Variants in FARP2 observed in about 807,000 individuals in gnomAD.
FARP2 encodes FERM, ARH/RhoGEF and pleckstrin domain protein 2, also known as FERM, ARHGEF and pleckstrin domain-containing protein 2.
Under a neutral mutation model 130.5 loss-of-function variants are expected in FARP2, and 111 were observed. The ratio of observed to expected loss-of-function variants is 0.85; its 90% CI spans 0.73 to 1.00. The LOEUF is 1.00. Ranked by LOEUF, FARP2 falls within the 50% of genes least tolerant of loss-of-function variation. The pLI, the probability that FARP2 is intolerant of heterozygous loss-of-function variation, is 0.00. For synonymous variants in FARP2, 504 were observed against 516.9 expected, an observed-to-expected ratio of 0.98 and a Z score of 0.34; for missense variants, 1,385 against 1,346.3, an observed-to-expected ratio of 1.03 and a Z score of -0.45.
rs1210832737 is a variant in FARP2, at chr2:241,463,599, G to C, written c.1811+131G>C. The C allele has an allele frequency of 3.0e-6, 3 of 1,003,716 alleles. No individual in the cohort carries two copies. In the African/African-American group the frequency reaches 4.8e-5, roughly 16 times the overall value. The allele number at this position is 1,003,716 out of a possible 1,614,324, so 62.2% of individuals were successfully genotyped here. On this transcript the variant is annotated intron_variant, in intron 16 of 26. Coordinates refer to ENST00000264042, the MANE Select transcript of FARP2 (RefSeq NM_014808.4). ...CACTGGAGCATATTTTTAGGAGCCT[G>C]TGGGGAGAGGTACAGATGTAATAAT...
chr2:241,489,657 C>T (rs35743491), intron 21 of FARP2: 37,527 of 217,094 alleles, frequency 0.17, 3,706 homozygotes, highest in Middle Eastern at 0.22. Flanking sequence ...AATTGTCCAA[C>T]TCCCTTTTGG....
chr2:241,453,476 G>A (rs2063734810), intron 13 of FARP2, among the ~76,000 whole-genome samples: 1 of 151,718 alleles, frequency 6.6e-6, no homozygotes, highest in African/African-American at 2.4e-5. Context: ...CAAAAAATTA[G>A]CCAGGCATGG....
chr2:241,458,282 A>AGGAG (rs1395736011), intron 14 of FARP2, among the ~76,000 whole-genome samples: 1 of 152,034 alleles, frequency 6.6e-6, no homozygotes, highest in Non-Finnish European at 1.5e-5. Flanking sequence ...TGGGGCCTCT[A>AGGAG]GGAGGGAGGG....
intron 8 of FARP2, among the ~76,000 whole-genome samples, chr2:241,428,767 A>G (rs769043732): frequency 9.2e-5 from 14 of 152,114 alleles, no homozygotes; most frequent in Non-Finnish European, 1.5e-5. Flanking sequence ...ATCATCCCAA[A>G]AAGAGACCCT....
Position 241,483,477 on chromosome 2 carries a change from G to C in FARP2, c.2275G>C (p.Glu759Gln). 1 of 1,614,200 alleles carries C rather than the reference G, an allele frequency of 6.2e-7. No individual in the cohort carries two copies. The highest frequency in any genetic ancestry group is 8.5e-7 in the Non-Finnish European group (1 of 1,179,992). The change falls in exon 20 of 27, where the codon GAG becomes CAG. Residue 759 changes from glutamate (E) to glutamine (Q), a missense_variant. Physicochemically the swap from Glu to Gln is conservative, Grantham distance 29. Coordinates refer to ENST00000264042, the MANE Select transcript of FARP2 (RefSeq NM_014808.4). ...LIAPGREFIR[E>Q]GCLHKLTKKG... ...CTCTGTCTTTCAGGAGTTCATCCGT[G>C]AGGGCTGCCTTCACAAGCTCACCAA...
intron 17 of FARP2, among the ~76,000 whole-genome samples, chr2:241,467,705 C>T (rs545099885): frequency 1.3e-5 from 2 of 152,202 alleles, no homozygotes; most frequent in East Asian, 3.9e-4. Context: ...CCAGCACAAC[C>T]GCTTAGTTCC....
rs1368529401 is a variant in FARP2, at chr2:241,425,713, G to A, written c.772-5966G>A. Among the ~76,000 whole-genome samples, 3 of 127,816 alleles carry A rather than the reference G, an allele frequency of 2.3e-5. No individual in the cohort carries two copies. The South Asian group carries it at 7.8e-4, about 33-fold the overall frequency. 83.9% of individuals were successfully genotyped at this position (127,816 alleles called of 152,430 possible). Reference sequence around the variant, plus strand: ...AGCTGAATTCAACCAGAGGTACAAAGAAGAGCTGGTACAATTTCTCTCTCT... The same window carrying A: ...AGCTGAATTCAACCAGAGGTACAAAAAAGAGCTGGTACAATTTCTCTCTCT... On this transcript the variant is annotated intron_variant, in intron 8 of 26. Coordinates refer to ENST00000264042, the MANE Select transcript of FARP2 (RefSeq NM_014808.4).
In FARP2 at chr2:241,454,807, A is replaced by G. The variant is rs546299674; in HGVS notation, c.1412-1940A>G. Among the ~76,000 whole-genome samples the G allele has an allele frequency of 1.2e-4, 18 of 152,360 alleles. No homozygotes were observed. In the South Asian group the frequency reaches 3.7e-3, roughly 32 times the overall value. On this transcript the variant is annotated intron_variant, in intron 13 of 26. Transcript: ENST00000264042. ...TTACCTAGGTTTTCTATAGCAATGA[A>G]TGTTTCCTTGTGTTTTCAATGTATC...
rs139008133 is a variant in FARP2, at chr2:241,462,601, G to A, written c.1666G>A (p.Val556Ile). The stretch of plus-strand genomic sequence containing the variant: ...ACGAACATACCTCAAGGATTTAGAA[G>A]TTATTACCGTGGTACGAAAGTCCTT... Reference protein sequence around the residue: ...TERTYLKDLEVITVWFRSAVV... With the variant: ...TERTYLKDLEIITVWFRSAVV... The change falls in exon 15 of 27, where the codon GTT becomes ATT. Residue 556 changes from valine (V) to isoleucine (I), a missense_variant. Transcript: ENST00000264042. 4.3e-3 allele frequency: 6,976 copies of A among 1,607,652 alleles called. 23 individuals carry two copies. Among genetic ancestry groups the A allele is most frequent in the Admixed American group, 7.4e-3 (441 of 59,980 alleles).
At chr2:241,435,908 A>AT (rs34703186) in intron 11 of FARP2, among the ~76,000 whole-genome samples, 14,322 of 101,050 alleles carry the variant, frequency 0.14, 1,914 homozygotes, top group East Asian at 0.38. Context: ...AGTATAGTAA[A>AT]TTTTTTTTTT....
At chr2:241,484,807 C>T (rs2124890781) in intron 21 of FARP2, among the ~76,000 whole-genome samples, 1 of 152,298 alleles carries the variant, frequency 6.6e-6, no homozygotes, top group South Asian at 2.1e-4. Flanking sequence ...TTTTTGTGTT[C>T]AATAGAAATA....
intron 4 of FARP2, among the ~76,000 whole-genome samples, chr2:241,406,733 G>A (rs1338349777): frequency 6.6e-6 from 1 of 151,970 alleles, no homozygotes; most frequent in African/African-American, 2.4e-5. Flanking sequence ...CAAAGTGCTG[G>A]GATTACAGAT....
chr2:241,400,425 G>A (rs997474595), intron 2 of FARP2, among the ~76,000 whole-genome samples: 4 of 152,140 alleles, frequency 2.6e-5, no homozygotes, highest in Non-Finnish European at 5.9e-5. Context: ...CTTGCCATCT[G>A]GTAGGAGGAA....
chr2:241,400,390 G>A (rs1334611646), intron 2 of FARP2, among the ~76,000 whole-genome samples: 1 of 152,234 alleles, frequency 6.6e-6, no homozygotes, highest in Non-Finnish European at 1.5e-5. Flanking sequence ...CTAGGATGGA[G>A]AAGGTGCAGT....
intron 19 of FARP2, among the ~76,000 whole-genome samples, chr2:241,480,652 G>A (rs763681981): frequency 2.6e-5 from 4 of 151,568 alleles, no homozygotes; most frequent in Non-Finnish European, 4.4e-5. Flanking sequence ...GAATGCCTAA[G>A]TTTCCCCTGA....
chr2:241,467,147 CAG>C (rs779390426), intron 17 of FARP2, among the ~76,000 whole-genome samples: 17 of 151,990 alleles, frequency 1.1e-4, no homozygotes, highest in East Asian at 5.8e-4. Flanking sequence ...CCCAGGTACT[CAG>C]GGGGCTGAAG....
At chr2:241,388,407 C>T (rs546432556) in intron 2 of FARP2, among the ~76,000 whole-genome samples, 2 of 152,296 alleles carry the variant, frequency 1.3e-5, no homozygotes, top group East Asian at 3.9e-4. Flanking sequence ...CCCTACTTCA[C>T]ATCATACTCA....
intron 8 of FARP2, among the ~76,000 whole-genome samples, chr2:241,426,528 G>A (rs1368720506): frequency 6.6e-6 from 1 of 152,142 alleles, no homozygotes; most frequent in Non-Finnish European, 1.5e-5. Flanking sequence ...TGGAGAATGT[G>A]CTAGCTGTCA....
Position 241,468,273 on chromosome 2 carries a change from C to T in FARP2, c.2027C>T (p.Thr676Met), listed in dbSNP as rs373829392. ...LQKVCYLPLN[T>M]FLLKPIQRLL... ...AAGGTCTGCTACTTGCCTCTCAACA[C>T]GTTCCTGCTGAAGCCCATCCAGCGG... Residue 676 changes from threonine (T) to methionine (M), a missense_variant, in exon 18 of 27, where the codon ACG becomes ATG. Coordinates refer to ENST00000264042, the MANE Select transcript of FARP2 (RefSeq NM_014808.4). 108 of 1,613,814 alleles carry T rather than the reference C, an allele frequency of 6.7e-5. No individual in the cohort carries two copies. Among genetic ancestry groups the T allele is most frequent in the Middle Eastern group, 1.6e-4 (1 of 6,084 alleles).
Sources: allele counts gnomAD v4.1 joint callset (sites outside exome capture counted in the v4.1 genomes callset), GRCh38; gene constraint gnomAD v4.1.1; transcripts MANE v1.5; gene names NCBI Gene and HGNC (gene_info 2026-07-23, HGNC 2026-07-21).